Variants in P2RY8 observed in about 807,000 individuals in gnomAD.
The protein encoded by P2RY8 is P2Y receptor family member 8.
In P2RY8, 6 loss-of-function variants were observed where a neutral mutation model predicts 10.0. That is an observed-to-expected ratio of 0.60 (90% confidence interval 0.33 to 1.19). The LOEUF is 1.19. Among genes scored for constraint, P2RY8 ranks in the 50% most tolerant of loss-of-function variants. P2RY8 has a pLI of 0.04. For missense variants in P2RY8, 456 were observed against 542.0 expected (o/e 0.84, Z 1.58); for synonymous variants, 276 against 252.5 (o/e 1.09, Z -0.88).
chrX:1,537,133 A>G lies in P2RY8; in HGVS notation c.-237T>C, dbSNP rs1485298348. On this transcript the variant is annotated 5_prime_UTR_variant, in exon 1 of 2. Transcript: ENST00000381297. ...AGTTCCATCTGTCCAGCAACCTTGC[A>G]AAGGCGGCCGCTTCGCTGGGTGGCC... is the stretch of plus-strand genomic sequence containing the variant. 2 of 232,634 alleles carry G rather than the reference A, an allele frequency of 8.6e-6. No homozygotes were observed. The highest frequency in any genetic ancestry group is 4.4e-5 in the African/African-American group (2 of 45,308). The allele number at this position is 232,634 out of a possible 1,614,324, so 14.4% of individuals were successfully genotyped here.
intron 1 of P2RY8, among the ~76,000 whole-genome samples, chrX:1,474,556 GTGGATGGATGGATGGATGGATGGA>G (rs768305692): frequency 1.1e-5 from 1 of 87,068 alleles, no homozygotes. Flanking sequence ...GTATGGGTGT[GTGGATGGATGGATGGATGGATGGA>G]TGGATGGATG....
At chrX:1,532,576 A>T (rs1290818175) in intron 1 of P2RY8, among the ~76,000 whole-genome samples, 1 of 151,984 alleles carries the variant, frequency 6.6e-6, no homozygotes, top group Non-Finnish European at 1.5e-5. Context: ...CATGAAAAAG[A>T]ATAGCATTTG....
intron 1 of P2RY8, among the ~76,000 whole-genome samples, chrX:1,491,224 T>TG (rs1266588109): frequency 6.6e-6 from 1 of 151,236 alleles, no homozygotes; most frequent in Non-Finnish European, 1.5e-5. Context: ...ACTGCAAATG[T>TG]GGGGGGAATG....
At chrX:1,527,388 T>C (rs1439970117) in intron 1 of P2RY8, among the ~76,000 whole-genome samples, 1 of 151,804 alleles carries the variant, frequency 6.6e-6, no homozygotes, top group Non-Finnish European at 1.5e-5. Context: ...CCCATTCATT[T>C]ATTCATGATC....
rs867895106 is a variant in P2RY8, at chrX:1,509,700, C to G, written c.-25+27221G>C. Among the ~76,000 whole-genome samples, 10 of 112,074 alleles carry G rather than the reference C, an allele frequency of 8.9e-5. 1 individual carries two copies. The highest frequency in any genetic ancestry group is 2.7e-4 in the African/African-American group (8 of 29,580). The allele number at this position is 112,074 out of a possible 152,430, so 73.5% of individuals were successfully genotyped here. A position where few individuals can be genotyped will look rare whatever the true frequency, so the allele number is the denominator to read the frequency against. Reference sequence around the variant, plus strand: ...TCCATCCATCCATCCATCCATCCATCCATCCATTTATTCTATCTATGCATC... The same window carrying G: ...TCCATCCATCCATCCATCCATCCATGCATCCATTTATTCTATCTATGCATC... On this transcript the variant is annotated intron_variant, in intron 1 of 1. Coordinates refer to ENST00000381297, the MANE Select transcript of P2RY8 (RefSeq NM_178129.5).
At chrX:1,485,068 A>G (rs1397103980) in intron 1 of P2RY8, among the ~76,000 whole-genome samples, 1 of 144,590 alleles carries the variant, frequency 6.9e-6, no homozygotes, top group East Asian at 2.0e-4. Context: ...GACTCAAGAA[A>G]TCCTCCTGCC....
intron 1 of P2RY8, among the ~76,000 whole-genome samples, chrX:1,468,943 TCTCCCCTCTCCC>T (rs1196165796): frequency 0.046 from 13 of 284 alleles, no homozygotes; most frequent in Middle Eastern, 0.5. Flanking sequence ...CCCTCTCTCC[TCTCCCCTCTCCC>T]CTCTCCCCTC....
chrX:1,521,271 C>T (rs1404773306), intron 1 of P2RY8, among the ~76,000 whole-genome samples: 3 of 152,108 alleles, frequency 2.0e-5, no homozygotes, highest in Admixed American at 2.0e-4. Context: ...TGGTCTCCAT[C>T]TCCTGACCTC....
At chrX:1,524,873 T>TCCATC (rs2092429269) in intron 1 of P2RY8, among the ~76,000 whole-genome samples, 2 of 37,470 alleles carry the variant, frequency 5.3e-5, no homozygotes, top group African/African-American at 1.0e-4. Context: ...AACCATCCAC[T>TCCATC]CATCCATCCA....
chrX:1,504,080 G>A (rs1243274560), intron 1 of P2RY8, among the ~76,000 whole-genome samples: 3 of 151,968 alleles, frequency 2.0e-5, no homozygotes, highest in African/African-American at 7.3e-5. Flanking sequence ...CACTTTGGGA[G>A]GCCGAGGCGG....
intron 1 of P2RY8, among the ~76,000 whole-genome samples, chrX:1,498,338 G>A (rs1312897625): frequency 8.2e-5 from 12 of 146,740 alleles, no homozygotes; most frequent in Non-Finnish European, 1.1e-4. Flanking sequence ...CCTGGGAGGC[G>A]GAGCTTGCAG....
intron 1 of P2RY8, among the ~76,000 whole-genome samples, chrX:1,493,204 C>G (rs1441737426): frequency 6.7e-6 from 1 of 150,116 alleles, no homozygotes; most frequent in Non-Finnish European, 1.5e-5. Context: ...AGGAGAATCA[C>G]TTGAACCCGG....
rs539683722 is a variant in P2RY8 at position 1,535,184 on chromosome X, C to CTTTTTTTTT, written c.-25+1728_-25+1736dup. On this transcript the variant is annotated intron_variant, in intron 1 of 1. Coordinates refer to ENST00000381297, the MANE Select transcript of P2RY8 (RefSeq NM_178129.5). Reference sequence around the variant, plus strand: ...CTGCTTTTCCAATGTGGGATAATTCCTTTTTTTTTTTTTTTTTTTTTGAGA... The same window carrying CTTTTTTTTT: ...CTGCTTTTCCAATGTGGGATAATTCCTTTTTTTTTTTTTTTTTTTTTTTTTTTTTTGAGA... 3.5e-4 allele frequency among the ~76,000 whole-genome samples: 28 copies of CTTTTTTTTT among 80,632 alleles called. 1 individual carries two copies. Among genetic ancestry groups the CTTTTTTTTT allele is most frequent in the African/African-American group, 1.1e-3 (21 of 19,710 alleles). The allele number at this position is 80,632 out of a possible 152,430, so 52.9% of individuals were successfully genotyped here.
chrX:1,463,910 A>C lies in P2RY8; in HGVS notation c.*1569T>G. The C allele has an allele frequency of 4.3e-6, 1 of 233,300 alleles. No individual in the cohort carries two copies. The highest frequency in any genetic ancestry group is 8.5e-6 in the Non-Finnish European group (1 of 118,052). 14.5% of individuals were successfully genotyped at this position (233,300 alleles called of 1,614,324 possible). On this transcript the variant is annotated 3_prime_UTR_variant, in exon 2 of 2. Coordinates refer to ENST00000381297, the MANE Select transcript of P2RY8 (RefSeq NM_178129.5). ...GTATGGCCTCGCCTTACTTAATTAC[A>C]TTTGGAAAGACCCGATTTTCAAACA... is the stretch of plus-strand genomic sequence containing the variant.
chrX:1,476,819 A>G (rs1207831555), intron 1 of P2RY8, among the ~76,000 whole-genome samples: 1 of 152,104 alleles, frequency 6.6e-6, no homozygotes, highest in Non-Finnish European at 1.5e-5. Flanking sequence ...CATGCACAGG[A>G]GGGTCCCCAC....
intron 1 of P2RY8, among the ~76,000 whole-genome samples, chrX:1,510,540 A>G (rs2092291447): frequency 6.6e-6 from 1 of 152,048 alleles, no homozygotes; most frequent in Non-Finnish European, 1.5e-5. Flanking sequence ...CTGGTTCTGG[A>G]TGGTTGACAG....
At position 1,465,202 on chromosome X, in the gene P2RY8, CAG is replaced by C; in HGVS notation, c.*275_*276del. On this transcript the variant is annotated 3_prime_UTR_variant, in exon 2 of 2. Transcript: ENST00000381297. ...TGGTGACACAAGCTGTCCCCTGACACAGAGAGGCAGAGGCACCCTCTGCAGGA... is the reference window on the plus strand; with the variant it reads ...TGGTGACACAAGCTGTCCCCTGACACAGAGGCAGAGGCACCCTCTGCAGGA... 1.9e-6 allele frequency: 1 copy of C among 515,976 alleles called. No homozygotes were observed. 32.0% of individuals were successfully genotyped at this position (515,976 alleles called of 1,614,324 possible).
At chrX:1,534,875 C>G (rs1355003417) in intron 1 of P2RY8, among the ~76,000 whole-genome samples, 2 of 152,092 alleles carry the variant, frequency 1.3e-5, no homozygotes, top group African/African-American at 4.8e-5. Context: ...AGGGAGGGAG[C>G]GTCTCTGTGG....
rs759160388 is a variant in P2RY8 at position 1,465,448 on chromosome X, C to A, written c.*31G>T. ...TGCGCCCCTGGATCTCCAAGCTGCG[C>A]CCCCGGCTCTCCAAGCTGCGCCCCC... On this transcript the variant is annotated 3_prime_UTR_variant, in exon 2 of 2. Coordinates refer to ENST00000381297, the MANE Select transcript of P2RY8 (RefSeq NM_178129.5). 2.7e-5 allele frequency: 42 copies of A among 1,569,910 alleles called. No homozygotes were observed. The highest frequency in any genetic ancestry group is 2.3e-4 in the Middle Eastern group (1 of 4,366).
Sources: allele counts gnomAD v4.1 joint callset (sites outside exome capture counted in the v4.1 genomes callset), GRCh38; gene constraint gnomAD v4.1.1; transcripts MANE v1.5; gene names NCBI Gene and HGNC (gene_info 2026-07-23, HGNC 2026-07-21).